Variants in CRADD observed in about 807,000 individuals in gnomAD.
The protein encoded by CRADD is death domain-containing protein CRADD.
Under a neutral mutation model 15.5 loss-of-function variants are expected in CRADD, and 9 were observed. That is an observed-to-expected ratio of 0.58 (90% confidence interval 0.35 to 1.01). The LOEUF is 1.01. Ranked by LOEUF, CRADD falls within the 50% of genes least tolerant of loss-of-function variation. The pLI is 0.02. For synonymous variants in CRADD, 118 were observed against 107.6 expected (o/e 1.10, Z -0.60); for missense variants, 227 against 250.3 (o/e 0.91, Z 0.63).
chr12:93,760,605 C>T (rs1956943212), intron 2 of CRADD, among the ~76,000 whole-genome samples: 1 of 152,150 alleles, frequency 6.6e-6, no homozygotes, highest in Admixed American at 6.5e-5. Flanking sequence ...CCAATCAGAG[C>T]ACAGACAGGT....
intron 2 of CRADD, among the ~76,000 whole-genome samples, chr12:93,858,612 C>T (rs1366874207): frequency 1.3e-5 from 2 of 152,198 alleles, no homozygotes; most frequent in Non-Finnish European, 2.9e-5. Context: ...CCTTCTGCTG[C>T]CCGCTCTGTC....
chr12:93,882,129 A>T (rs1246811212), intron 2 of CRADD, among the ~76,000 whole-genome samples: 1 of 149,692 alleles, frequency 6.7e-6, no homozygotes. Flanking sequence ...GTTTCAAAAA[A>T]AATTAAAAAA....
intron 2 of CRADD, among the ~76,000 whole-genome samples, chr12:93,690,271 G>A (rs1955536121): frequency 6.6e-6 from 1 of 152,234 alleles, no homozygotes; most frequent in South Asian, 2.1e-4. Context: ...AGTGAAAGCT[G>A]ATTGAAGCAA....
At chr12:93,877,341 A>G (rs1958464539) in intron 2 of CRADD, among the ~76,000 whole-genome samples, 1 of 152,212 alleles carries the variant, frequency 6.6e-6, no homozygotes, top group Admixed American at 6.5e-5. Flanking sequence ...GCTATTGCCC[A>G]TGTTCACTCA....
intron 2 of CRADD, among the ~76,000 whole-genome samples, chr12:93,688,796 C>G (rs938706367): frequency 5.9e-5 from 9 of 152,182 alleles, no homozygotes; most frequent in African/African-American, 1.7e-4. Context: ...TATAAAACCA[C>G]TTTCTCGGCA....
At chr12:93,726,918 A>G (rs1956378171) in intron 2 of CRADD, among the ~76,000 whole-genome samples, 1 of 152,230 alleles carries the variant, frequency 6.6e-6, no homozygotes, top group African/African-American at 2.4e-5. Flanking sequence ...GTTTCACGAT[A>G]ACAAGACGAA....
At chr12:93,775,873 A>AG (rs201665795) in intron 2 of CRADD, among the ~76,000 whole-genome samples, 1 of 152,210 alleles carries the variant, frequency 6.6e-6, no homozygotes, top group Non-Finnish European at 1.5e-5. Context: ...AGGGTTTCAG[A>AG]GGACTCTAGG....
intron 2 of CRADD, among the ~76,000 whole-genome samples, chr12:93,764,869 G>A (rs1957010099): frequency 6.6e-6 from 1 of 151,542 alleles, no homozygotes; most frequent in South Asian, 2.1e-4. Flanking sequence ...CTATGAGTGT[G>A]GTAAAGAGGA....
intron 2 of CRADD, among the ~76,000 whole-genome samples, chr12:93,862,580 C>G (rs1240648972): frequency 6.6e-6 from 1 of 152,116 alleles, no homozygotes; most frequent in African/African-American, 2.4e-5. Flanking sequence ...GAGTCTGCCT[C>G]TCATGAAAAT....
At chr12:93,727,171 A>T (rs1956383058) in intron 2 of CRADD, among the ~76,000 whole-genome samples, 1 of 152,224 alleles carries the variant, frequency 6.6e-6, no homozygotes. Context: ...TTGAACAAAC[A>T]AGAGTTCAAG....
intron 2 of CRADD, among the ~76,000 whole-genome samples, chr12:93,686,506 A>G (rs1004238229): frequency 5.3e-5 from 8 of 152,110 alleles, no homozygotes; most frequent in African/African-American, 1.9e-4. Context: ...ATGATGCTTC[A>G]CAGTTTTGCT....
At chr12:93,827,716 T>C (rs1027995073) in intron 2 of CRADD, among the ~76,000 whole-genome samples, 11 of 152,046 alleles carry the variant, frequency 7.2e-5, no homozygotes, top group Admixed American at 7.2e-4. Flanking sequence ...TATGCCAACA[T>C]TGTCTTCAGT....
intron 2 of CRADD, among the ~76,000 whole-genome samples, chr12:93,820,266 C>G (rs1190168015): frequency 6.6e-6 from 1 of 152,206 alleles, no homozygotes; most frequent in African/African-American, 2.4e-5. Flanking sequence ...TTGGTTTACC[C>G]CTGCCCCATG....
intron 2 of CRADD, among the ~76,000 whole-genome samples, chr12:93,855,927 C>T (rs919294136): frequency 6.6e-6 from 1 of 152,216 alleles, no homozygotes; most frequent in African/African-American, 2.4e-5. Context: ...AAGCGATTCT[C>T]CTGCCTCAGC....
At chr12:93,777,116 A>G (rs1957148617) in intron 2 of CRADD, among the ~76,000 whole-genome samples, 1 of 152,226 alleles carries the variant, frequency 6.6e-6, no homozygotes, top group Non-Finnish European at 1.5e-5. Flanking sequence ...GGATATGGTC[A>G]TTCTCACGGG....
At position 93,732,625 on chromosome 12, in the gene CRADD, G is replaced by T. The variant is rs201297860; in HGVS notation, c.298+53553G>T. On this transcript the variant is annotated intron_variant, in intron 2 of 2. Coordinates refer to ENST00000332896, the MANE Select transcript of CRADD (RefSeq NM_003805.5). ...GATATTTGAATAGTGGAACTCTTGT[G>T]TAGCAGTTAAGAGGGTGCATTTTAG... Among the ~76,000 whole-genome samples, 4 of 152,184 alleles carry T rather than the reference G, an allele frequency of 2.6e-5. No homozygotes were observed. The East Asian group carries it at 7.7e-4, about 29-fold the overall frequency.
At chr12:93,763,128 A>G (rs1956987429) in intron 2 of CRADD, among the ~76,000 whole-genome samples, 1 of 152,254 alleles carries the variant, frequency 6.6e-6, no homozygotes, top group Non-Finnish European at 1.5e-5. Flanking sequence ...TTGACAGATG[A>G]CGAGGCTGGA....
chr12:93,861,359 G>A (rs116607379), intron 2 of CRADD, among the ~76,000 whole-genome samples: 21 of 152,250 alleles, frequency 1.4e-4, no homozygotes, highest in South Asian at 6.2e-4. Flanking sequence ...CTTGAGAAGA[G>A]AGGGGCTCCA....
At chr12:93,723,136 CT>C (rs1390998006) in intron 2 of CRADD, among the ~76,000 whole-genome samples, 3 of 152,188 alleles carry the variant, frequency 2.0e-5, no homozygotes, top group Non-Finnish European at 2.9e-5. Flanking sequence ...GAGGAATTTA[CT>C]TTATAGTTTA....
Sources: gnomAD v4.1 joint callset for allele counts (sites outside exome capture counted in the v4.1 genomes callset) on GRCh38, gnomAD v4.1.1 for gene constraint, MANE v1.5 for transcripts, NCBI Gene and HGNC (gene_info 2026-07-23, HGNC 2026-07-21) for gene names.